Variants in TRAPPC10 observed in about 807,000 individuals in gnomAD.
TRAPPC10 encodes TRAPP 130 kDa subunit.
A neutral mutation model predicts 125.5 loss-of-function variants in TRAPPC10; 23 were observed. The ratio of observed to expected loss-of-function variants is 0.18; its 90% CI spans 0.13 to 0.26. The LOEUF is 0.26. TRAPPC10 is among the 10% of genes least tolerant of loss of function. TRAPPC10 has a pLI of 1.00. For missense variants in TRAPPC10, 1,123 were observed against 1,308.4 expected (o/e 0.86, Z 2.19); for synonymous variants, 509 against 518.0 (o/e 0.98, Z 0.24).
At chr21:44,030,683 G>A (rs371356745) in intron 1 of TRAPPC10, among the ~76,000 whole-genome samples, 2 of 152,170 alleles carry the variant, frequency 1.3e-5, no homozygotes, top group East Asian at 3.9e-4. Flanking sequence ...GGTCAGGCTG[G>A]TCTCAAACTC....
At position 44,094,206 on chromosome 21, in the gene TRAPPC10, T is replaced by G; in HGVS notation, c.3141T>G (p.Thr1047=). The G allele has an allele frequency of 1.9e-6, 3 of 1,610,508 alleles. No individual in the cohort carries two copies. The highest frequency in any genetic ancestry group is 2.5e-6 in the Non-Finnish European group (3 of 1,178,922). Reference sequence around the variant, plus strand: ...TGTCTATCTCCTTAAAGCCGTATACTTATGAATTTAAAGTGGAAAATTTTT... The same window carrying G: ...TGTCTATCTCCTTAAAGCCGTATACGTATGAATTTAAAGTGGAAAATTTTT... ...EQLSISLKPY[T]YEFKVENFFT... Residue 1047 remains threonine, a synonymous_variant, in exon 20 of 23, where the codon ACT becomes ACG. Transcript: ENST00000291574.
At chr21:44,030,615 C>T (rs188017944) in intron 1 of TRAPPC10, among the ~76,000 whole-genome samples, 181 of 152,058 alleles carry the variant, frequency 1.2e-3, no homozygotes, top group African/African-American at 4.1e-3. Flanking sequence ...TACAGGCATG[C>T]GCCACCACGC....
Position 44,074,518 on chromosome 21 carries a change from T to C in TRAPPC10, c.1185+48T>C, listed in dbSNP as rs1481343739. On this transcript the variant is annotated intron_variant, in intron 8 of 22. Transcript: ENST00000291574. ...AATGCTCACGTTGTCTCTGCGGCCA[T>C]GCCTGGGTGGCGGAGGAAGTCTGCT... 3 of 1,610,540 alleles carry C rather than the reference T, an allele frequency of 1.9e-6. No homozygotes were observed. In the African/African-American group the frequency reaches 4.0e-5, roughly 21 times the overall value.
intron 7 of TRAPPC10, among the ~76,000 whole-genome samples, chr21:44,066,345 C>G (rs1299401809): frequency 1.3e-5 from 2 of 152,180 alleles, no homozygotes; most frequent in African/African-American, 4.8e-5. Context: ...GGATAGAGGC[C>G]TCTGCCCTGT....
intron 7 of TRAPPC10, among the ~76,000 whole-genome samples, chr21:44,065,280 AC>A (rs753915678): frequency 6.6e-6 from 1 of 152,176 alleles, no homozygotes; most frequent in Non-Finnish European, 1.5e-5. Context: ...GTCGGGGTTC[AC>A]AGGAGCCATA....
chr21:44,070,824 G>A (rs1227038922), intron 7 of TRAPPC10, among the ~76,000 whole-genome samples: 1 of 152,224 alleles, frequency 6.6e-6, no homozygotes, highest in Non-Finnish European at 1.5e-5. Flanking sequence ...AGGGATGCTG[G>A]TGGGAGAAGA....
intron 5 of TRAPPC10, among the ~76,000 whole-genome samples, chr21:44,057,375 C>T (rs145553312): frequency 0.017 from 2,615 of 152,050 alleles, 74 homozygotes; most frequent in African/African-American, 0.059. Flanking sequence ...TCTCGGCTCA[C>T]TGCAACCTCC....
intron 1 of TRAPPC10, among the ~76,000 whole-genome samples, chr21:44,020,359 C>G (rs1278276243): frequency 6.6e-6 from 1 of 152,070 alleles, no homozygotes; most frequent in African/African-American, 2.4e-5. Flanking sequence ...ATCTCCTGAC[C>G]TTGTGATCTG....
Position 44,063,632 on chromosome 21 carries a change from G to C in TRAPPC10, c.885G>C (p.Ser295=), listed in dbSNP as rs778702015. Residue 295 remains serine (S), a synonymous_variant, in exon 7 of 23, where the codon TCG becomes TCC. Transcript: ENST00000291574. The surrounding 1 kb of genome is among the most constrained non-coding windows in gnomAD (Gnocchi z 4.4). ...CCATAGATATGGAGAAGCGGGAATC[G>C]ATCCAGAGGCGAGAAGCCACCCTGT... ...RKPIDMEKRE[S]IQRREATLLD... is the part of the protein sequence containing the mutation. 1 of 1,614,188 alleles carries C rather than the reference G, an allele frequency of 6.2e-7. No homozygotes were observed. The highest frequency in any genetic ancestry group is 8.5e-7 in the Non-Finnish European group (1 of 1,180,034).
chr21:44,086,200 G>A (rs150176666), intron 15 of TRAPPC10, among the ~76,000 whole-genome samples: 25 of 152,310 alleles, frequency 1.6e-4, no homozygotes, highest in African/African-American at 5.3e-4. Flanking sequence ...TTCCTGCCTA[G>A]TGTCCCCTGT....
chr21:44,055,621 C>A, intron 4 of TRAPPC10, 77 bp from the exon 5 acceptor site: 1 of 1,195,980 alleles, frequency 8.4e-7, no homozygotes, highest in Non-Finnish European at 1.2e-6. Flanking sequence ...AATTGCCGCT[C>A]AGGACAATGG....
At chr21:44,053,447 A>G (rs375450547) in intron 4 of TRAPPC10, among the ~76,000 whole-genome samples, 2 of 152,208 alleles carry the variant, frequency 1.3e-5, no homozygotes, top group African/African-American at 4.8e-5. Context: ...ATAATATTCC[A>G]TAGTATTAAT....
In TRAPPC10 at chr21:44,063,743, A is replaced by G. The variant is rs371911934; in HGVS notation, c.996A>G (p.Leu332=). The change falls in exon 7 of 23, where the codon CTA becomes CTG. Residue 332 remains leucine (L), a synonymous_variant. Coordinates refer to ENST00000291574, the MANE Select transcript of TRAPPC10 (RefSeq NM_003274.5). This position sits in a 1 kb window ranked among gnomAD's most constrained non-coding sequence, Gnocchi z 4.4. ...CGTGGGAGGTGGCCCAGCGCGCCCT[A>G]GAGCTGCTGCACAACTGCGTGCAGG... ...QRPWEVAQRA[L]ELLHNCVQEL... is the part of the protein sequence containing the mutation. The G allele has an allele frequency of 2.4e-5, 39 of 1,614,026 alleles. No individual in the cohort carries two copies. Among genetic ancestry groups the G allele is most frequent in the Admixed American group, 3.3e-5 (2 of 60,004 alleles).
intron 21 of TRAPPC10, among the ~76,000 whole-genome samples, chr21:44,101,047 T>G (rs527449671): frequency 4.2e-5 from 3 of 71,428 alleles, no homozygotes; most frequent in African/African-American, 9.2e-5. Context: ...GCCCAGCTAC[T>G]TGGGAGGCTG....
chr21:44,078,181 A>C (rs116688420), intron 11 of TRAPPC10, among the ~76,000 whole-genome samples: 207 of 152,310 alleles, frequency 1.4e-3, no homozygotes, highest in African/African-American at 4.9e-3. Flanking sequence ...ATGTAAAGCT[A>C]CTGCATGTGT....
chr21:44,062,117 T>C (rs2036102497), intron 6 of TRAPPC10, among the ~76,000 whole-genome samples: 1 of 152,258 alleles, frequency 6.6e-6, no homozygotes, highest in South Asian at 2.1e-4. Context: ...CTTACATATT[T>C]CTTATATTTG....
chr21:44,053,412 C>T (rs1332020422), intron 4 of TRAPPC10, among the ~76,000 whole-genome samples: 1 of 151,952 alleles, frequency 6.6e-6, no homozygotes, highest in Admixed American at 6.6e-5. Context: ...AAATGCATTT[C>T]CAGACTCTCA....
intron 3 of TRAPPC10, among the ~76,000 whole-genome samples, chr21:44,048,538 G>T (rs1207161521): frequency 2.0e-5 from 3 of 152,136 alleles, no homozygotes; most frequent in Middle Eastern, 3.2e-3. Flanking sequence ...CTATCACCCA[G>T]GCTGGAGTGT....
At position 44,074,315 on chromosome 21, in the gene TRAPPC10, C is replaced by T. The variant is rs1270576421; in HGVS notation, c.1039-9C>T. 1.9e-6 allele frequency: 3 copies of T among 1,613,564 alleles called. No individual in the cohort carries two copies. In the African/African-American group the frequency reaches 4.0e-5, roughly 22 times the overall value. On this transcript the variant is annotated splice_polypyrimidine_tract_variant and intron_variant, in intron 7 of 22. Coordinates refer to ENST00000291574, the MANE Select transcript of TRAPPC10 (RefSeq NM_003274.5). ...CACCCCTCACACGTTCGCATTTGCACCCCCACAGGTCTCTGTCCCACCTGG... is the reference window on the plus strand; with the variant it reads ...CACCCCTCACACGTTCGCATTTGCATCCCCACAGGTCTCTGTCCCACCTGG...
Sources: allele counts gnomAD v4.1 joint callset (sites outside exome capture counted in the v4.1 genomes callset), GRCh38; gene constraint gnomAD v4.1.1; non-coding constraint Gnocchi (gnomAD v3.1); transcripts MANE v1.5; gene names NCBI Gene and HGNC (gene_info 2026-07-23, HGNC 2026-07-21).